The following CWC22 variants were observed in gnomAD, a reference collection of about 807,000 sequenced individuals.
The protein encoded by CWC22 is CWC22 spliceosome associated protein, also known as pre-mRNA-splicing factor CWC22 homolog.
Under a neutral mutation model 117.2 loss-of-function variants are expected in CWC22, and 53 were observed. That is an observed-to-expected ratio of 0.45 (90% CI 0.36 to 0.57). The LOEUF (loss-of-function observed/expected upper bound fraction) is 0.57. Ranked by LOEUF, CWC22 falls within the 20% of genes least tolerant of loss-of-function variation. CWC22 has a pLI of 0.00. For synonymous variants in CWC22, 360 were observed against 355.6 expected, an observed-to-expected ratio of 1.01 and a Z score of -0.14; for missense variants, 980 against 1,068.8, an observed-to-expected ratio of 0.92 and a Z score of 1.16.
At chr2:179,965,853 T>G in intron 12 of CWC22, 25 bp downstream of exon 12, 1 of 1,359,700 alleles carries the variant, frequency 7.4e-7, no homozygotes, top group Admixed American at 1.8e-5. Flanking sequence ...TCTTATAATA[T>G]TATTTGAATA....
Position 179,994,630 on chromosome 2 carries a change from G to T in CWC22, c.-113-1176C>A, listed in dbSNP as rs370407828. ...ATTACAATGATTGGCATGGTGTCAA[G>T]GTTAGTAAAGGCAAACTTATCAATC... On this transcript the variant is annotated intron_variant, in intron 1 of 19. Coordinates refer to ENST00000410053, the MANE Select transcript of CWC22 (RefSeq NM_020943.3). Among the ~76,000 whole-genome samples the T allele has an allele frequency of 7.9e-4, 121 of 152,236 alleles. 2 individuals are homozygous for T. The South Asian group carries it at 0.023, about 29-fold the overall frequency.
chr2:179,998,848 T>C (rs919625618), intron 1 of CWC22, among the ~76,000 whole-genome samples: 2 of 152,136 alleles, frequency 1.3e-5, no homozygotes, highest in Non-Finnish European at 2.9e-5. Flanking sequence ...ATTTAGCGTT[T>C]TCCTTTGCTA....
At chr2:179,986,655 A>T (rs771852386) in intron 4 of CWC22, 40 bp downstream of exon 4, 2 of 1,165,786 alleles carry the variant, frequency 1.7e-6, no homozygotes, top group Admixed American at 2.1e-5. Flanking sequence ...GAGTTTAAAC[A>T]AATACAATTT....
rs192226916 is a variant in CWC22, at chr2:179,986,803, T to C, written c.98A>G (p.Tyr33Cys). 2 of 1,539,636 alleles carry C rather than the reference T, an allele frequency of 1.3e-6. No homozygotes were observed. Among genetic ancestry groups the C allele is most frequent in the Non-Finnish European group, 8.8e-7 (1 of 1,137,512 alleles). Residue 33 changes from tyrosine to cysteine, a missense_variant and splice_region_variant, in exon 4 of 20, where the codon TAT becomes TGT. By Grantham distance (194) the Tyr-to-Cys change is radical. Around this residue, in one of 3 missense-constraint regions of CWC22, gnomAD observed 559 missense variants for 602.3 expected, o/e 0.93. Coordinates refer to ENST00000410053, the MANE Select transcript of CWC22 (RefSeq NM_020943.3). ...YQRNSSPEDR[Y>C]EEQERSPRDR... ...CCGGGGGGATCGTTCTTGTTCTTCA[T>C]ATCTAACATAAAATAAGAAAACCAA...
chr2:179,966,490 A>T (rs1686892908), intron 11 of CWC22, among the ~76,000 whole-genome samples: 1 of 152,228 alleles, frequency 6.6e-6, no homozygotes, highest in Admixed American at 6.5e-5. Flanking sequence ...TTTTATTAAA[A>T]TACATATCTC....
intron 3 of CWC22, among the ~76,000 whole-genome samples, chr2:179,988,200 CT>C (rs1173793229): frequency 2.4e-4 from 37 of 152,046 alleles, no homozygotes; most frequent in Admixed American, 1.9e-3. Flanking sequence ...CTGTTATAAT[CT>C]ATATAAAAAT....
chr2:180,004,995 T>C (rs973080906), intron 1 of CWC22, among the ~76,000 whole-genome samples: 22 of 151,166 alleles, frequency 1.5e-4, no homozygotes, highest in African/African-American at 5.4e-4. Context: ...TCAAACTAAT[T>C]GGCATGAGAA....
intron 5 of CWC22, among the ~76,000 whole-genome samples, chr2:179,981,540 G>GT (rs1687287332): frequency 6.6e-6 from 1 of 151,934 alleles, no homozygotes; most frequent in Non-Finnish European, 1.5e-5. Context: ...ATTCATTCAT[G>GT]CAAAAAAAAG....
At position 179,995,916 on chromosome 2, in the gene CWC22, G is replaced by A. The variant is rs188357801; in HGVS notation, c.-113-2462C>T. ...ACCACAACTGCTGGAAACTGAGGGG[G>A]AATCCAGGAGGGGAGAGAGTCAGTG... On this transcript the variant is annotated intron_variant, in intron 1 of 19. Transcript: ENST00000410053. 3.9e-3 allele frequency among the ~76,000 whole-genome samples: 597 copies of A among 152,274 alleles called. 2 individuals carry two copies. Among genetic ancestry groups the A allele is most frequent in the Middle Eastern group, 0.014 (4 of 294 alleles).
intron 6 of CWC22, 129 bp downstream of exon 6, chr2:179,978,061 T>C: frequency 1.8e-6 from 2 of 1,123,118 alleles, no homozygotes; most frequent in Non-Finnish European, 2.3e-6. Context: ...GTCCTGCATT[T>C]TAAATAAATA....
At chr2:179,990,546 CAGAGAG>C (rs3082436) in intron 2 of CWC22, among the ~76,000 whole-genome samples, 1,909 of 143,858 alleles carry the variant, frequency 0.013, 18 homozygotes, top group African/African-American at 0.03. Context: ...GTGAGACAGA[CAGAGAG>C]AGAGAGAGAG....
chr2:179,965,598 T>C (rs1686868983), intron 12 of CWC22, among the ~76,000 whole-genome samples: 1 of 152,230 alleles, frequency 6.6e-6, no homozygotes, highest in African/African-American at 2.4e-5. Flanking sequence ...ATATACTAAA[T>C]TAAAATTGTG....
intron 4 of CWC22, 106 bp downstream of exon 4, chr2:179,986,589 T>C: frequency 1.7e-6 from 1 of 603,160 alleles, no homozygotes; most frequent in Non-Finnish European, 2.8e-6. Flanking sequence ...CCTAAAAACA[T>C]CCAATTAATG....
intron 19 of CWC22, among the ~76,000 whole-genome samples, chr2:179,946,218 G>A (rs777028908): frequency 3.9e-5 from 6 of 151,998 alleles, no homozygotes; most frequent in Non-Finnish European, 8.8e-5. Context: ...CAGAGGGGGT[G>A]GGGGACAGAT....
chr2:179,953,601 A>G (rs543818124), intron 16 of CWC22, among the ~76,000 whole-genome samples: 1 of 152,080 alleles, frequency 6.6e-6, no homozygotes, highest in Non-Finnish European at 1.5e-5. Context: ...GCTAACTAAC[A>G]CTGGTTGAAA....
At chr2:179,980,840 C>T (rs1009042000) in intron 5 of CWC22, among the ~76,000 whole-genome samples, 4 of 152,164 alleles carry the variant, frequency 2.6e-5, no homozygotes, top group African/African-American at 7.2e-5. Context: ...TACCTTCTAT[C>T]CCAATCTTTT....
chr2:179,979,128 T>C (rs1054727099), intron 5 of CWC22, among the ~76,000 whole-genome samples: 2 of 152,190 alleles, frequency 1.3e-5, no homozygotes, highest in Non-Finnish European at 2.9e-5. Flanking sequence ...CATACATGTC[T>C]CTCTCGGGAA....
intron 19 of CWC22, among the ~76,000 whole-genome samples, chr2:179,948,211 T>C (rs1366286849): frequency 6.6e-6 from 1 of 152,088 alleles, no homozygotes. Context: ...CTAAGATGAT[T>C]TGAGCAAAAT....
Position 179,981,958 on chromosome 2 carries a change from A to T in CWC22, c.246T>A (p.Asp82Glu). 1 of 1,553,350 alleles carries T rather than the reference A, an allele frequency of 6.4e-7. No homozygotes were observed. The highest frequency in any genetic ancestry group is 8.7e-7 in the Non-Finnish European group (1 of 1,146,040). The change falls in exon 5 of 20, where the codon GAT (aspartate) becomes GAA (glutamate). Residue 82 changes from aspartate to glutamate, a missense_variant. Asp to Glu is a conservative substitution (Grantham distance 45). Coordinates refer to ENST00000410053, the MANE Select transcript of CWC22 (RefSeq NM_020943.3). Reference sequence around the variant, plus strand: ...ATTTCCGAGACCTTTTCCGATCCGTATCTCTTTCTCTTTCTCTGCGTTTTT... The same window carrying T: ...ATTTCCGAGACCTTTTCCGATCCGTTTCTCTTTCTCTTTCTCTGCGTTTTT... ...DREKRRERERDTDRKRSRKSP... is the reference protein window; with the variant it reads ...DREKRRERERETDRKRSRKSP...
Sources: allele counts gnomAD v4.1 joint callset (sites outside exome capture counted in the v4.1 genomes callset), GRCh38; gene constraint gnomAD v4.1.1; regional missense constraint gnomAD v4.1.1; transcripts MANE v1.5; gene names NCBI Gene and HGNC (gene_info 2026-07-23, HGNC 2026-07-21).